Variants in DCAKD observed in about 807,000 individuals in gnomAD.
DCAKD encodes the protein dephospho-CoA kinase domain-containing protein.
A neutral mutation model predicts 18.7 loss-of-function variants in DCAKD; 15 were observed. The ratio of observed to expected loss-of-function variants is 0.80; its 90% CI spans 0.54 to 1.24. The LOEUF (loss-of-function observed/expected upper bound fraction) is 1.24. DCAKD is among the 50% of genes most tolerant of loss of function. The pLI, the probability that DCAKD is intolerant of heterozygous loss-of-function variation, is 0.00. For missense variants in DCAKD, 301 were observed against 322.0 expected (o/e 0.93, Z 0.50); for synonymous variants, 130 against 133.0 (o/e 0.98, Z 0.16).
chr17:45,028,113 C>CTT (rs991822612), intron 4 of DCAKD, among the ~76,000 whole-genome samples: 5 of 142,864 alleles, frequency 3.5e-5, no homozygotes, highest in Admixed American at 7.0e-5. Flanking sequence ...CTCTAAGATC[C>CTT]TTTTTTTTTT....
At chr17:45,028,319 C>T (rs570545009) in intron 4 of DCAKD, among the ~76,000 whole-genome samples, 1 of 151,614 alleles carries the variant, frequency 6.6e-6, no homozygotes, top group Non-Finnish European at 1.5e-5. Context: ...ACCGTGTTAG[C>T]CAGGATGGTC....
At chr17:45,056,562 T>C (rs74373376), upstream of DCAKD, among the ~76,000 whole-genome samples, 4 of 151,618 alleles carry the variant, frequency 2.6e-5, no homozygotes, top group Admixed American at 6.6e-5. Flanking sequence ...CAACCTCCAC[T>C]TCCCGGGTTC....
intron 3 of DCAKD, 100 bp from the exon 4 acceptor site, chr17:45,030,279 G>T: frequency 1.9e-6 from 2 of 1,050,082 alleles, no homozygotes; most frequent in Non-Finnish European, 3.0e-6. Context: ...CAGCAGAGGG[G>T]CAGGCCTTCC....
chr17:45,059,242 C>T (rs1046672394), intron 1 of DCAKD, among the ~76,000 whole-genome samples: 2 of 150,208 alleles, frequency 1.3e-5, no homozygotes, highest in East Asian at 2.0e-4. Flanking sequence ...AGCGAGACTC[C>T]GTCTCAGAAA....
exon 1 of DCAKD, chr17:45,060,897 G>T: frequency 2.2e-6 from 1 of 458,482 alleles, no homozygotes; most frequent in Non-Finnish European, 2.9e-6. Context: ...CCCGGGAAAC[G>T]TAACGGTCCT....
chr17:45,030,877 T>C, intron 3 of DCAKD: 2 of 656,356 alleles, frequency 3.0e-6, no homozygotes, highest in Non-Finnish European at 3.8e-6. Flanking sequence ...ACTCCTGCAG[T>C]GTAAAAGGCA....
At chr17:45,054,410 G>T (rs2053758510), upstream of DCAKD, among the ~76,000 whole-genome samples, 1 of 152,078 alleles carries the variant, frequency 6.6e-6, no homozygotes, top group Non-Finnish European at 1.5e-5. Context: ...ACCATGCCAG[G>T]CTAATTTTTA....
intron 1 of DCAKD, among the ~76,000 whole-genome samples, chr17:45,047,630 C>T (rs1021834839): frequency 3.3e-5 from 5 of 151,806 alleles, no homozygotes; most frequent in African/African-American, 4.8e-5. Flanking sequence ...TCAGCCTCCC[C>T]AGTAGCTGGG....
intron 4 of DCAKD, among the ~76,000 whole-genome samples, chr17:45,029,056 C>T (rs1267418401): frequency 1.3e-5 from 2 of 152,226 alleles, no homozygotes; most frequent in African/African-American, 4.8e-5. Context: ...AAGCTCCAAT[C>T]GTGCTACTAA....
intron 1 of DCAKD, among the ~76,000 whole-genome samples, chr17:45,049,196 T>C (rs1435309375): frequency 6.6e-6 from 1 of 152,082 alleles, no homozygotes; most frequent in Admixed American, 6.6e-5. Flanking sequence ...CCAGCACTTT[T>C]GGAGGCTGAG....
chr17:45,034,841 G>C lies in DCAKD; in HGVS notation c.45C>G (p.Ser15Arg). The change falls in exon 2 of 5, where the codon AGC (serine) becomes AGG (arginine). Residue 15 changes from serine to arginine, a missense_variant. Ser to Arg is a moderately radical substitution (Grantham distance 110). Transcript: ENST00000651974. ...GLTGGIASGK[S>R]SVIQVFQQLG... ...GCTGCTGGAACACCTGGATCACTGA[G>C]CTCTTGCCTGAGGCAATGCCCCCTG... The C allele has an allele frequency of 1.9e-6, 3 of 1,614,218 alleles. No homozygotes were observed. The highest frequency in any genetic ancestry group is 2.5e-6 in the Non-Finnish European group (3 of 1,180,046).
intron 4 of DCAKD, among the ~76,000 whole-genome samples, chr17:45,028,709 C>CT (rs1057309911): frequency 2.7e-4 from 40 of 146,896 alleles, no homozygotes; most frequent in African/African-American, 9.1e-4. Context: ...TGCACCCAGC[C>CT]TTTTTTTTGA....
At chr17:45,025,158 G>A (rs1161992350) in intron 4 of DCAKD, among the ~76,000 whole-genome samples, 1 of 151,994 alleles carries the variant, frequency 6.6e-6, no homozygotes, top group Admixed American at 6.6e-5. Flanking sequence ...AAAGGCCTAT[G>A]CCTATGAGCT....
rs148434115 is a variant in DCAKD at position 45,024,723 on chromosome 17, C to T, written c.406G>A (p.Asp136Asn). Reference protein sequence around the residue: ...YMKHTVVVYCDRDTQLARLMR... With the variant: ...YMKHTVVVYCNRDTQLARLMR... Reference sequence around the variant, plus strand: ...AGCCGTGCCAGCTGTGTGTCCCGGTCGCTAAGGATAGGGCAAAAGGGCACT... The same window carrying T: ...AGCCGTGCCAGCTGTGTGTCCCGGTTGCTAAGGATAGGGCAAAAGGGCACT... The change falls in exon 5 of 5, where the codon GAC becomes AAC. Residue 136 changes from aspartate (D) to asparagine (N), a missense_variant and splice_region_variant. Asp to Asn is a conservative substitution (Grantham distance 23). Transcript: ENST00000651974. 70 of 1,569,268 alleles carry T rather than the reference C, an allele frequency of 4.5e-5. No homozygotes were observed. Among genetic ancestry groups the T allele is most frequent in the African/African-American group, 4.3e-4 (32 of 74,474 alleles).
intron 1 of DCAKD, among the ~76,000 whole-genome samples, chr17:45,047,087 G>A (rs1305770187): frequency 5.3e-5 from 8 of 150,668 alleles, no homozygotes; most frequent in East Asian, 1.9e-4. Flanking sequence ...GTGATTTTTC[G>A]GCCCATAATT....
intron 1 of DCAKD, among the ~76,000 whole-genome samples, chr17:45,041,288 C>T (rs757734681): frequency 2.4e-4 from 37 of 152,032 alleles, no homozygotes; most frequent in Non-Finnish European, 4.6e-4. Flanking sequence ...TCACACTGAT[C>T]TTCCTTCTGT....
chr17:45,037,757 G>A (rs943570829), intron 1 of DCAKD, among the ~76,000 whole-genome samples: 1 of 132,940 alleles, frequency 7.5e-6, no homozygotes, highest in Non-Finnish European at 1.6e-5. Flanking sequence ...ACCACGCCAA[G>A]CTTCAAGAGC....
chr17:45,057,468 C>T (rs902858391), intron 1 of DCAKD, among the ~76,000 whole-genome samples: 19 of 151,932 alleles, frequency 1.3e-4, no homozygotes, highest in South Asian at 8.3e-4. Context: ...TTTGGGAGGC[C>T]GAGGCAGGCG....
intron 1 of DCAKD, among the ~76,000 whole-genome samples, chr17:45,045,322 C>T (rs1239249948): frequency 1.3e-5 from 2 of 152,192 alleles, no homozygotes; most frequent in East Asian, 3.8e-4. Context: ...ACCAACGTGT[C>T]ACCACCCAAC....
Sources: allele counts gnomAD v4.1 joint callset (sites outside exome capture counted in the v4.1 genomes callset), GRCh38; gene constraint gnomAD v4.1.1; transcripts MANE v1.5; gene names NCBI Gene and HGNC (gene_info 2026-07-23, HGNC 2026-07-21).